Variants in NLGN4X observed in about 807,000 individuals in gnomAD.
The protein encoded by NLGN4X is neuroligin-4, X-linked.
NLGN4X carries 3 observed loss-of-function variants against 40.3 expected under a neutral mutation model. That is an observed-to-expected ratio of 0.07 (90% CI 0.03 to 0.19). The LOEUF is 0.19. Ranked by LOEUF, NLGN4X falls within the 10% of genes least tolerant of loss-of-function variation. The probability of loss-of-function intolerance (pLI) is 1.00; values close to 1 mark genes in which losing one functional copy is unlikely to be tolerated. For missense variants in NLGN4X, 382 were observed against 708.3 expected, an observed-to-expected ratio of 0.54 and a Z score of 5.23; for synonymous variants, 270 against 306.8, an observed-to-expected ratio of 0.88 and a Z score of 1.25.
rs906686089 is a variant in NLGN4X, at chrX:6,098,258, C to G, written c.472+52737G>C. ...TGCAGTGAGCTATCTATGATCACAC[C>G]ACTGCACTCCAGTGTGGGTGGCAGA... On this transcript the variant is annotated intron_variant, in intron 2 of 5. Coordinates refer to ENST00000381095, the MANE Select transcript of NLGN4X (RefSeq NM_181332.3). Among the ~76,000 whole-genome samples, 4 of 112,024 alleles carry G rather than the reference C, an allele frequency of 3.6e-5. No individual in the cohort carries two copies. In the Admixed American group the frequency reaches 3.8e-4, roughly 11 times the overall value.
At position 5,893,363 on chromosome X, in the gene NLGN4X, G is replaced by C. The variant is rs1296413040; in HGVS notation, c.1905C>G (p.Thr635=). Residue 635 remains threonine (T), a synonymous_variant, in exon 6 of 6, where the codon ACC becomes ACG. Coordinates refer to ENST00000381095, the MANE Select transcript of NLGN4X (RefSeq NM_181332.3). The part of the protein sequence containing the change: ...TRRSPAKIWP[T]TKRPAITPAN... ...CAGGAGTGATTGCTGGGCGTTTGGT[G>C]GTTGGCCATATCTTGGCGGGAGATC... is the stretch of plus-strand genomic sequence containing the variant. 1 of 1,208,567 alleles carries C rather than the reference G, an allele frequency of 8.3e-7. No individual in the cohort carries two copies. The highest frequency in any genetic ancestry group is 1.8e-5 in the African/African-American group (1 of 56,454).
chrX:6,178,809 A>G (rs1921086397), intron 1 of NLGN4X, among the ~76,000 whole-genome samples: 1 of 111,853 alleles, frequency 8.9e-6, no homozygotes. Context: ...AGTAAAATAT[A>G]GAAATACTAC....
intron 3 of NLGN4X, among the ~76,000 whole-genome samples, chrX:5,946,588 T>C (rs771738250): frequency 2.7e-5 from 3 of 111,397 alleles, no homozygotes; most frequent in Non-Finnish European, 5.6e-5. Context: ...CATTAACAAA[T>C]AGTCTAAATA....
intron 4 of NLGN4X, among the ~76,000 whole-genome samples, chrX:5,906,391 C>T (rs1463006687): frequency 1.8e-5 from 2 of 112,022 alleles, no homozygotes; most frequent in African/African-American, 6.5e-5. Context: ...TTCAGGAAAC[C>T]CTCATCTGTC....
At chrX:6,215,289 G>A (rs1168224907) in intron 1 of NLGN4X, among the ~76,000 whole-genome samples, 1 of 110,357 alleles carries the variant, frequency 9.1e-6, no homozygotes, top group Non-Finnish European at 1.9e-5. Flanking sequence ...GGTGGCTCAC[G>A]CCTGTAATCC....
Position 6,073,383 on chromosome X carries a change from T to C in NLGN4X, c.473-43951A>G, listed in dbSNP as rs138631995. Among the ~76,000 whole-genome samples the C allele has an allele frequency of 5.6e-3, 626 of 112,760 alleles. 3 individuals are homozygous for C. Among genetic ancestry groups the C allele is most frequent in the African/African-American group, 0.017 (532 of 31,082 alleles). ...TCCTATAGAATGACAACACTAGCAC[T>C]ATATTCAAATATTTAAAATTAGAAT... is the stretch of plus-strand genomic sequence containing the variant. On this transcript the variant is annotated intron_variant, in intron 2 of 5. Transcript: ENST00000381095.
intron 1 of NLGN4X, among the ~76,000 whole-genome samples, chrX:6,225,681 C>CTTTCTTTTTTTTTTT (rs1926162512): frequency 3.0e-5 from 1 of 33,810 alleles, no homozygotes; most frequent in African/African-American, 1.2e-4. Flanking sequence ...TTTTTTCTTT[C>CTTTCTTTTTTTTTTT]TTTTTTTCTT....
chrX:6,134,247 A>G (rs942356648), intron 2 of NLGN4X, among the ~76,000 whole-genome samples: 4 of 111,882 alleles, frequency 3.6e-5, no homozygotes, highest in Admixed American at 2.9e-4. Flanking sequence ...CAGGACTTCA[A>G]ATTCACTGTC....
At chrX:6,037,198 C>T (rs954713135) in intron 2 of NLGN4X, among the ~76,000 whole-genome samples, 4 of 109,233 alleles carry the variant, frequency 3.7e-5, no homozygotes, top group Non-Finnish European at 7.6e-5. Context: ...CCCAGCTATT[C>T]GGGAGACTGA....
At position 6,169,781 on chromosome X, in the gene NLGN4X, C is replaced by A. The variant is rs936937298; in HGVS notation, c.-305-18010G>T. On this transcript the variant is annotated intron_variant, in intron 1 of 5. Transcript: ENST00000381095. ...TTGGCTTCCCGTAGGATAGACAAAG[C>A]ATTCCACACACGAGAACATTCTGTG... is the stretch of plus-strand genomic sequence containing the variant. Among the ~76,000 whole-genome samples, 15 of 111,952 alleles carry A rather than the reference C, an allele frequency of 1.3e-4. No individual in the cohort carries two copies. The Admixed American group carries it at 1.4e-3, about 11-fold the overall frequency.
intron 2 of NLGN4X, among the ~76,000 whole-genome samples, chrX:6,150,084 C>G (rs2040133670): frequency 9.0e-6 from 1 of 111,355 alleles, no homozygotes; most frequent in Non-Finnish European, 1.9e-5. Flanking sequence ...ATCATTCCCA[C>G]AAATTAACTT....
chrX:6,081,886 T>G (rs948249089), intron 2 of NLGN4X, among the ~76,000 whole-genome samples: 3 of 112,175 alleles, frequency 2.7e-5, no homozygotes, highest in Non-Finnish European at 5.6e-5. Context: ...GTGCTGCCAA[T>G]GTACAGTTGC....
chrX:6,083,697 A>C (rs2038427062), intron 2 of NLGN4X, among the ~76,000 whole-genome samples: 1 of 112,484 alleles, frequency 8.9e-6, no homozygotes, highest in Non-Finnish European at 1.9e-5. Context: ...CTGAGAAAAG[A>C]GAAGTAAAAT....
At chrX:6,104,215 G>T (rs2038986091) in intron 2 of NLGN4X, among the ~76,000 whole-genome samples, 1 of 112,148 alleles carries the variant, frequency 8.9e-6, no homozygotes, top group Non-Finnish European at 1.9e-5. Context: ...CCAGCTTAAA[G>T]CACTGTTGGA....
At chrX:6,171,819 TC>T (rs1201380444) in intron 1 of NLGN4X, among the ~76,000 whole-genome samples, 1 of 111,617 alleles carries the variant, frequency 9.0e-6, no homozygotes, top group East Asian at 2.8e-4. Context: ...TGAATTGTAA[TC>T]CCCAGTGTTG....
chrX:6,172,847 C>A (rs1219075106), intron 1 of NLGN4X, among the ~76,000 whole-genome samples: 1 of 112,104 alleles, frequency 8.9e-6, no homozygotes, highest in African/African-American at 3.2e-5. Flanking sequence ...GAATACTTTT[C>A]TCTGCCAGTT....
intron 2 of NLGN4X, among the ~76,000 whole-genome samples, chrX:6,148,660 C>A (rs755040406): frequency 1.8e-5 from 2 of 110,554 alleles, no homozygotes; most frequent in East Asian, 5.7e-4. Context: ...GGATTACAGA[C>A]ACGCGCCACC....
chrX:5,922,098 C>T (rs1487155951), intron 3 of NLGN4X, among the ~76,000 whole-genome samples: 1 of 111,576 alleles, frequency 9.0e-6, no homozygotes, highest in Non-Finnish European at 1.9e-5. Context: ...AAATACTAAT[C>T]CCAGAACCAA....
chrX:6,137,940 C>T (rs376153331), intron 2 of NLGN4X, among the ~76,000 whole-genome samples: 30 of 111,649 alleles, frequency 2.7e-4, no homozygotes, highest in East Asian at 1.1e-3. Context: ...ATGTATGCTG[C>T]CTTCCCTCCT....
Sources: allele counts gnomAD v4.1 joint callset (sites outside exome capture counted in the v4.1 genomes callset), GRCh38; gene constraint gnomAD v4.1.1; transcripts MANE v1.5; gene names NCBI Gene and HGNC (gene_info 2026-07-23, HGNC 2026-07-21).